The following NT5C3A variants were observed in gnomAD, a reference collection of about 807,000 sequenced individuals.
NT5C3A encodes cytosolic 5'-nucleotidase 3A.
A neutral mutation model predicts 40.0 loss-of-function variants in NT5C3A; 23 were observed. The observed-to-expected ratio is 0.58, with a 90% CI of 0.41 to 0.81. The LOEUF is 0.81. Among genes scored for constraint, NT5C3A ranks in the 40% least tolerant of loss-of-function variants. The pLI is 0.00. For synonymous variants in NT5C3A, 130 were observed against 141.4 expected (o/e 0.92, Z 0.57); for missense variants, 328 against 403.0 (o/e 0.81, Z 1.59).
At chr7:33,027,929 C>G (rs1423660440) in intron 1 of NT5C3A, among the ~76,000 whole-genome samples, 1 of 152,074 alleles carries the variant, frequency 6.6e-6, no homozygotes, top group Non-Finnish European at 1.5e-5. Flanking sequence ...TTTAGCTTGC[C>G]TACATATTTA....
intron 1 of NT5C3A, among the ~76,000 whole-genome samples, chr7:33,040,248 T>C (rs535033078): frequency 1.0e-3 from 152 of 152,242 alleles, no homozygotes; most frequent in African/African-American, 3.7e-3. Context: ...CTATAAAATA[T>C]AGATAATTCA....
At chr7:33,025,782 T>C (rs1785893799) in intron 2 of NT5C3A, among the ~76,000 whole-genome samples, 1 of 152,242 alleles carries the variant, frequency 6.6e-6, no homozygotes. Flanking sequence ...ACTCAAGATA[T>C]ATATTTTCTG....
chr7:33,057,250 G>A (rs1787607310), intron 1 of NT5C3A, among the ~76,000 whole-genome samples: 2 of 152,156 alleles, frequency 1.3e-5, no homozygotes, highest in African/African-American at 4.8e-5. Context: ...ACCAGGCACA[G>A]TTGGTACACA....
At chr7:33,019,809 G>T in intron 5 of NT5C3A, 85 bp from the exon 6 acceptor site, 1 of 795,518 alleles carries the variant, frequency 1.3e-6, no homozygotes, top group East Asian at 2.5e-5. Flanking sequence ...TCTTCCATGT[G>T]AGAAAATCTG....
chr7:33,055,084 G>T (rs1460969609), intron 1 of NT5C3A, among the ~76,000 whole-genome samples: 2 of 152,092 alleles, frequency 1.3e-5, no homozygotes, highest in Non-Finnish European at 2.9e-5. Flanking sequence ...CAGCATTTTG[G>T]GAGGCCAAGG....
At chr7:33,042,041 T>TA (rs1458904578) in intron 1 of NT5C3A, among the ~76,000 whole-genome samples, 2 of 152,130 alleles carry the variant, frequency 1.3e-5, no homozygotes, top group African/African-American at 4.8e-5. Flanking sequence ...AAAATGGTGT[T>TA]AAAAAACTAT....
intron 6 of NT5C3A, among the ~76,000 whole-genome samples, chr7:33,018,591 C>T (rs1180112792): frequency 1.3e-5 from 2 of 152,200 alleles, no homozygotes; most frequent in African/African-American, 4.8e-5. Context: ...TGGCTCACGC[C>T]TGTAACCCCA....
intron 2 of NT5C3A, among the ~76,000 whole-genome samples, 194 bp downstream of exon 2, chr7:33,026,623 C>G (rs938418938): frequency 1.3e-5 from 2 of 151,244 alleles, no homozygotes; most frequent in Non-Finnish European, 2.9e-5. Context: ...TCCCAAAGTG[C>G]TAGGATTACA....
At chr7:33,062,417 C>T (rs2128023412) in intron 1 of NT5C3A, 151 bp downstream of exon 1, 1 of 670,610 alleles carries the variant, frequency 1.5e-6, no homozygotes, top group Non-Finnish European at 2.4e-6. Flanking sequence ...CCCCAAGCTG[C>T]GCGTCCCGAG....
chr7:33,031,586 CA>C (rs561274669), intron 1 of NT5C3A, among the ~76,000 whole-genome samples: 1 of 149,586 alleles, frequency 6.7e-6, no homozygotes. Flanking sequence ...GACCCTGTCT[CA>C]AAAAAAAAAT....
intron 1 of NT5C3A, among the ~76,000 whole-genome samples, chr7:33,028,285 C>T (rs1786057904): frequency 6.6e-6 from 1 of 152,140 alleles, no homozygotes; most frequent in Non-Finnish European, 1.5e-5. Flanking sequence ...TGGGTGTAGG[C>T]TGCTACTACA....
At chr7:33,038,407 G>T (rs1431792980) in intron 1 of NT5C3A, among the ~76,000 whole-genome samples, 1 of 151,626 alleles carries the variant, frequency 6.6e-6, no homozygotes, top group Non-Finnish European at 1.5e-5. Context: ...AAAAAAGTCA[G>T]TATAAGTTGG....
At chr7:33,035,825 G>T (rs1176149324) in intron 1 of NT5C3A, 3 of 850,346 alleles carry the variant, frequency 3.5e-6, no homozygotes, top group Non-Finnish European at 6.2e-6. Flanking sequence ...GCACTGTGAA[G>T]AAAGAGTTGT....
At chr7:33,024,172 C>T in intron 2 of NT5C3A, 64 bp from the exon 3 acceptor site, 1 of 883,792 alleles carries the variant, frequency 1.1e-6, no homozygotes. Flanking sequence ...TTTCTCTGTG[C>T]TACCCAAACA....
At chr7:33,022,505 C>T (rs1327816868) in intron 3 of NT5C3A, among the ~76,000 whole-genome samples, 2 of 152,016 alleles carry the variant, frequency 1.3e-5, no homozygotes, top group Non-Finnish European at 2.9e-5. Context: ...CTGGAAAATC[C>T]AGACCACTGT....
intron 1 of NT5C3A, among the ~76,000 whole-genome samples, chr7:33,040,074 G>A (rs1448107067): frequency 6.6e-6 from 1 of 152,062 alleles, no homozygotes; most frequent in Non-Finnish European, 1.5e-5. Context: ...AAGACACCCT[G>A]AGTTCTTCTG....
At chr7:33,041,343 A>G (rs528448344) in intron 1 of NT5C3A, among the ~76,000 whole-genome samples, 1 of 152,326 alleles carries the variant, frequency 6.6e-6, no homozygotes, top group South Asian at 2.1e-4. Flanking sequence ...TGCTCAATGG[A>G]TAGAGTTTCA....
intron 1 of NT5C3A, among the ~76,000 whole-genome samples, chr7:33,044,339 A>C (rs1787054135): frequency 6.6e-6 from 1 of 152,182 alleles, no homozygotes. Context: ...CAAGCAAAGC[A>C]CTGAATCAAA....
At chr7:33,022,159 T>C in intron 3 of NT5C3A, 60 bp from the exon 4 acceptor site, 1 of 896,326 alleles carries the variant, frequency 1.1e-6, no homozygotes, top group South Asian at 1.3e-5. Context: ...CTACCACTAC[T>C]ATGAATAATT....
Sources: gnomAD v4.1 joint callset for allele counts (sites outside exome capture counted in the v4.1 genomes callset) on GRCh38, gnomAD v4.1.1 for gene constraint, MANE v1.5 for transcripts, NCBI Gene and HGNC (gene_info 2026-07-23, HGNC 2026-07-21) for gene names.